TOP6BL: variants seen among roughly 807,000 people sequenced by gnomAD.
TOP6BL encodes the protein type 2 DNA topoisomerase 6 subunit B-like.
the TOP6BL span, among the ~76,000 whole-genome samples, chr11:66,830,909 T>G: frequency 4.6e-5 from 7 of 152,298 alleles, no homozygotes; most frequent in Non-Finnish European, 8.8e-5. Context: ...AAAGAACTCT[T>G]AAAACTCATT....
chr11:66,832,167 G>A, the TOP6BL span, among the ~76,000 whole-genome samples: 2 of 150,100 alleles, frequency 1.3e-5, no homozygotes, highest in African/African-American at 4.9e-5. Context: ...GCGTGATCTC[G>A]GCTCACTGCA....
the TOP6BL span, among the ~76,000 whole-genome samples, chr11:66,820,146 A>G: frequency 6.6e-6 from 1 of 152,188 alleles, no homozygotes; most frequent in African/African-American, 2.4e-5. Context: ...GCCATTTTCT[A>G]TACTGAAGAA....
the TOP6BL span, among the ~76,000 whole-genome samples, chr11:66,794,246 A>G: frequency 6.6e-6 from 1 of 151,582 alleles, no homozygotes; most frequent in South Asian, 2.1e-4. Context: ...TGTTTTTAAC[A>G]TATACCTAGT....
the TOP6BL span, among the ~76,000 whole-genome samples, chr11:66,817,207 T>C: frequency 6.6e-6 from 1 of 150,734 alleles, no homozygotes; most frequent in African/African-American, 2.5e-5. Flanking sequence ...GATTCTGATG[T>C]ACAGCAAGGC....
chr11:66,814,147 T>C, the TOP6BL span: 6 of 1,051,738 alleles, frequency 5.7e-6, no homozygotes, highest in African/African-American at 9.6e-5. Flanking sequence ...GGTTTGGGGG[T>C]CAGGGTCTGG....
the TOP6BL span, chr11:66,796,339 G>A: frequency 4.7e-5 from 76 of 1,610,094 alleles, no homozygotes; most frequent in Non-Finnish European, 5.6e-5. Context: ...CATTTTTTAC[G>A]TAAAATCATC....
the TOP6BL span, chr11:66,796,385 A>G: frequency 3.2e-6 from 5 of 1,557,362 alleles, no homozygotes; most frequent in South Asian, 1.1e-5. Flanking sequence ...CCTTTGTACA[A>G]TAATGATTCT....
the TOP6BL span, among the ~76,000 whole-genome samples, chr11:66,833,808 C>T: frequency 5.3e-5 from 8 of 152,044 alleles, no homozygotes; most frequent in African/African-American, 1.5e-4. Flanking sequence ...ATTAGCCAGG[C>T]CTGTTGGCAC....
the TOP6BL span, chr11:66,756,263 C>T: frequency 1.6e-4 from 166 of 1,052,970 alleles, no homozygotes; most frequent in South Asian, 3.9e-3. Context: ...TGTTCAGGAC[C>T]TCTCATGTGC....
chr11:66,764,880 T>C, the TOP6BL span, among the ~76,000 whole-genome samples: 6 of 151,122 alleles, frequency 4.0e-5, no homozygotes, highest in Non-Finnish European at 8.8e-5. Context: ...AGGCAGGAGA[T>C]CCATTTGAGC....
chr11:66,842,169 C>T, the TOP6BL span, among the ~76,000 whole-genome samples: 1 of 152,178 alleles, frequency 6.6e-6, no homozygotes, highest in Non-Finnish European at 1.5e-5. Flanking sequence ...AGCCACTGCA[C>T]TCCAGCCTGG....
At chr11:66,806,887 C>T in the TOP6BL span, among the ~76,000 whole-genome samples, 1 of 152,182 alleles carries the variant, frequency 6.6e-6, no homozygotes, top group African/African-American at 2.4e-5. Context: ...GTGATGAAGA[C>T]TATGCTTGGA....
the TOP6BL span, among the ~76,000 whole-genome samples, chr11:66,781,707 T>G: frequency 6.6e-6 from 1 of 152,030 alleles, no homozygotes; most frequent in Admixed American, 6.6e-5. Context: ...CCGGCTAATT[T>G]TTAAATTTTT....
chr11:66,763,678 C>T, the TOP6BL span, among the ~76,000 whole-genome samples: 2 of 152,102 alleles, frequency 1.3e-5, no homozygotes, highest in Non-Finnish European at 2.9e-5. Flanking sequence ...GATCATGGCT[C>T]ACTGCAGCCC....
At chr11:66,834,826 C>T in the TOP6BL span, among the ~76,000 whole-genome samples, 32 of 152,230 alleles carry the variant, frequency 2.1e-4, no homozygotes, top group Admixed American at 7.2e-4. Context: ...GAACTACAGG[C>T]GTGCATCACT....
the TOP6BL span, among the ~76,000 whole-genome samples, chr11:66,745,508 C>T: frequency 6.6e-6 from 1 of 152,308 alleles, no homozygotes; most frequent in East Asian, 1.9e-4. Context: ...CGCCTGGCGC[C>T]GGCCACGCCC....
the TOP6BL span, among the ~76,000 whole-genome samples, chr11:66,837,012 TAA>T: frequency 2.6e-5 from 4 of 152,048 alleles, no homozygotes; most frequent in South Asian, 2.1e-4. Context: ...AAATAAATTT[TAA>T]AAAGAGTTCT....
the TOP6BL span, among the ~76,000 whole-genome samples, chr11:66,835,182 G>T: frequency 6.6e-6 from 1 of 151,940 alleles, no homozygotes; most frequent in African/African-American, 2.4e-5. Flanking sequence ...TCTCAATGCG[G>T]GTAGTTCCTT....
the TOP6BL span, among the ~76,000 whole-genome samples, chr11:66,766,710 CT>C: frequency 1.1e-3 from 171 of 152,336 alleles, no homozygotes; most frequent in Middle Eastern, 3.4e-3. Flanking sequence ...ACTTTCAAGA[CT>C]TTAACTAACA....
Sources: gnomAD v4.1 joint callset for allele counts (sites outside exome capture counted in the v4.1 genomes callset) on GRCh38, gnomAD v4.1.1 for gene constraint, MANE v1.5 for transcripts, NCBI Gene and HGNC (gene_info 2026-07-23, HGNC 2026-07-21) for gene names.